Variants in CSMD1 observed in about 807,000 individuals in gnomAD.
The protein encoded by CSMD1 is CUB and Sushi multiple domains 1, also known as CUB and sushi domain-containing protein 1.
A neutral mutation model predicts 417.5 loss-of-function variants in CSMD1; 213 were observed. The observed-to-expected ratio is 0.51, with a 90% CI of 0.46 to 0.57. The LOEUF (loss-of-function observed/expected upper bound fraction) is 0.57, where lower values mean the gene tolerates loss of function less well. Ranked by LOEUF, CSMD1 falls within the 20% of genes least tolerant of loss-of-function variation. CSMD1 has a pLI of 0.00. For missense variants in CSMD1, 6,923 were observed against 4,529.7 expected (o/e 1.53, Z -15.17); for synonymous variants, 2,862 against 1,736.8 (o/e 1.65, Z -16.11).
chr8:3,367,751 G>C (rs762998528), intron 19 of CSMD1, among the ~76,000 whole-genome samples: 8 of 152,134 alleles, frequency 5.3e-5, no homozygotes, highest in Non-Finnish European at 1.0e-4. Context: ...GGAGATTATA[G>C]ATGTAGTTAT....
At chr8:4,919,049 C>T (rs1449241782) in intron 1 of CSMD1, among the ~76,000 whole-genome samples, 1 of 152,104 alleles carries the variant, frequency 6.6e-6, no homozygotes, top group Non-Finnish European at 1.5e-5. Flanking sequence ...GTAACAGAGC[C>T]ATGGTTTTCA....
At chr8:4,698,484 G>C (rs1203080838) in intron 1 of CSMD1, among the ~76,000 whole-genome samples, 1 of 152,054 alleles carries the variant, frequency 6.6e-6, no homozygotes, top group East Asian at 1.9e-4. Context: ...AGTTGGGATA[G>C]AAAACCAGCT....
intron 2 of CSMD1, among the ~76,000 whole-genome samples, chr8:4,440,237 T>G (rs1798388837): frequency 6.6e-6 from 1 of 152,218 alleles, no homozygotes; most frequent in Non-Finnish European, 1.5e-5. Flanking sequence ...TATGTGCATG[T>G]GCACCTATAC....
At chr8:3,302,871 G>C (rs1362162498) in intron 25 of CSMD1, among the ~76,000 whole-genome samples, 1 of 152,120 alleles carries the variant, frequency 6.6e-6, no homozygotes, top group Admixed American at 6.6e-5. Context: ...GAAAATATGA[G>C]TCAGAACTTT....
At chr8:3,907,228 G>C (rs1584945354) in intron 5 of CSMD1, among the ~76,000 whole-genome samples, 1 of 152,026 alleles carries the variant, frequency 6.6e-6, no homozygotes, top group South Asian at 2.1e-4. Context: ...AAAATTTCTT[G>C]GAAAAGTGGA....
intron 25 of CSMD1, among the ~76,000 whole-genome samples, chr8:3,305,632 T>C (rs2117371694): frequency 6.6e-6 from 1 of 152,112 alleles, no homozygotes; most frequent in East Asian, 1.9e-4. Flanking sequence ...CCCTTGGACT[T>C]CCCATCCTCC....
intron 5 of CSMD1, among the ~76,000 whole-genome samples, chr8:3,830,619 G>T (rs1179627464): frequency 1.3e-5 from 2 of 152,066 alleles, no homozygotes; most frequent in Non-Finnish European, 1.5e-5. Flanking sequence ...GAAAAATATT[G>T]ATTTAATGCT....
At chr8:3,920,445 T>A (rs1336376780) in intron 5 of CSMD1, among the ~76,000 whole-genome samples, 1 of 152,108 alleles carries the variant, frequency 6.6e-6, no homozygotes, top group Non-Finnish European at 1.5e-5. Flanking sequence ...TTTTACTTCT[T>A]ACTTTCCAAT....
At chr8:4,535,486 T>G (rs1337786898) in intron 2 of CSMD1, among the ~76,000 whole-genome samples, 1 of 152,182 alleles carries the variant, frequency 6.6e-6, no homozygotes, top group East Asian at 1.9e-4. Context: ...GAAGTATATG[T>G]GTTTCAATCC....
intron 2 of CSMD1, among the ~76,000 whole-genome samples, chr8:4,493,051 A>G (rs1801787585): frequency 6.6e-6 from 1 of 152,160 alleles, no homozygotes; most frequent in Non-Finnish European, 1.5e-5. Flanking sequence ...AATATTAAAT[A>G]TTTCAGTTCT....
rs753840109 is a variant in CSMD1 at position 3,052,576 on chromosome 8, T to C, written c.7546A>G (p.Lys2516Glu). Residue 2516 changes from lysine to glutamate, a missense_variant, in exon 50 of 70, where the codon AAA (lysine) becomes GAA (glutamate). Transcript: ENST00000635120. ...CCCTCATGACATTCATAGACCACTTTACTGTCCAAAGTGAACTCGTTCCCG... is the reference window on the plus strand; with the variant it reads ...CCCTCATGACATTCATAGACCACTTCACTGTCCAAAGTGAACTCGTTCCCG... ...FTGNEFTLDS[K>E]VVYECHEGFK... is the part of the protein sequence containing the mutation. 6 of 1,611,422 alleles carry C rather than the reference T, an allele frequency of 3.7e-6. No individual in the cohort carries two copies. Among genetic ancestry groups the C allele is most frequent in the Non-Finnish European group, 5.1e-6 (6 of 1,178,858 alleles).
intron 8 of CSMD1, among the ~76,000 whole-genome samples, chr8:3,602,748 C>G (rs1022478941): frequency 1.4e-5 from 2 of 145,336 alleles, no homozygotes; most frequent in African/African-American, 2.6e-5. Context: ...CACACACACA[C>G]AGAAAAAGTG....
intron 12 of CSMD1, among the ~76,000 whole-genome samples, chr8:3,447,538 T>A (rs10282984): frequency 0.3 from 45,204 of 152,006 alleles, 8,208 homozygotes; most frequent in East Asian, 0.57. Flanking sequence ...GTGGGACAGG[T>A]GGCACCCGGA....
intron 7 of CSMD1, among the ~76,000 whole-genome samples, chr8:3,657,294 G>A (rs556506361): frequency 5.3e-5 from 8 of 152,074 alleles, no homozygotes; most frequent in African/African-American, 1.9e-4. Flanking sequence ...AGAAAAACCA[G>A]TCCCATTTAC....
At position 4,922,735 on chromosome 8, in the gene CSMD1, C is replaced by T. The variant is rs142245145; in HGVS notation, c.85+71597G>A. Reference sequence around the variant, plus strand: ...CCATTATATGCATTCTGTGTTCTCACGCCCCTAGATTGCCAGAGGTGTAAA... The same window carrying T: ...CCATTATATGCATTCTGTGTTCTCATGCCCCTAGATTGCCAGAGGTGTAAA... On this transcript the variant is annotated intron_variant, in intron 1 of 69. Coordinates refer to ENST00000635120, the MANE Select transcript of CSMD1 (RefSeq NM_033225.6). Among the ~76,000 whole-genome samples the T allele has an allele frequency of 3.2e-3, 491 of 152,214 alleles. 1 individual carries two copies. Among genetic ancestry groups the T allele is most frequent in the Middle Eastern group, 0.024 (7 of 294 alleles).
At chr8:3,386,119 A>G (rs1164528761) in intron 18 of CSMD1, among the ~76,000 whole-genome samples, 1 of 152,176 alleles carries the variant, frequency 6.6e-6, no homozygotes, top group Non-Finnish European at 1.5e-5. Context: ...TATTCCCTAG[A>G]CAAATGGAGT....
chr8:4,829,114 T>C (rs1026358724), intron 1 of CSMD1, among the ~76,000 whole-genome samples: 9 of 152,216 alleles, frequency 5.9e-5, no homozygotes, highest in African/African-American at 1.9e-4. Context: ...ATGGTTAAAA[T>C]ATCTGTTTCA....
chr8:3,846,638 C>A (rs760245078), intron 5 of CSMD1, among the ~76,000 whole-genome samples: 1 of 152,226 alleles, frequency 6.6e-6, no homozygotes, highest in Admixed American at 6.5e-5. Context: ...CACCTTATTT[C>A]TTTAGCCTAA....
At chr8:3,594,874 G>C (rs977355479) in intron 8 of CSMD1, among the ~76,000 whole-genome samples, 1 of 152,120 alleles carries the variant, frequency 6.6e-6, no homozygotes, top group Non-Finnish European at 1.5e-5. Context: ...GCTTCTGAGA[G>C]CCCTGCAATA....
Sources: allele counts gnomAD v4.1 joint callset (sites outside exome capture counted in the v4.1 genomes callset), GRCh38; gene constraint gnomAD v4.1.1; transcripts MANE v1.5; gene names NCBI Gene and HGNC (gene_info 2026-07-23, HGNC 2026-07-21).